Variants in CYTH4 observed in about 807,000 individuals in gnomAD.
CYTH4 encodes the protein cytohesin 4, also known as cytohesin-4.
In CYTH4, 22 loss-of-function variants were observed where a neutral mutation model predicts 57.5. The ratio of observed to expected loss-of-function variants is 0.38; its 90% CI spans 0.27 to 0.55. The LOEUF is 0.55. Among genes scored for constraint, CYTH4 ranks in the 20% least tolerant of loss-of-function variants. The pLI is 0.74. For synonymous variants in CYTH4, 186 were observed against 206.5 expected (o/e 0.90, Z 0.85); for missense variants, 420 against 535.6 (o/e 0.78, Z 2.13).
intron 4 of CYTH4, among the ~76,000 whole-genome samples, chr22:37,296,764 C>T (rs981695136): frequency 1.3e-5 from 2 of 152,178 alleles, no homozygotes; most frequent in African/African-American, 4.8e-5. Flanking sequence ...CCTGCTCCTA[C>T]CCACAGAGAC....
At chr22:37,294,798 C>T in intron 3 of CYTH4, 74 bp downstream of exon 3, 1 of 1,547,116 alleles carries the variant, frequency 6.5e-7, no homozygotes, top group Non-Finnish European at 8.9e-7. Flanking sequence ...CTTGAATGAG[C>T]AGGGGCCACT....
intron 1 of CYTH4, among the ~76,000 whole-genome samples, chr22:37,291,740 G>A (rs115887112): frequency 6.6e-6 from 1 of 152,364 alleles, no homozygotes; most frequent in African/African-American, 2.4e-5. Context: ...CAGAGAAGGA[G>A]AGTGTTGTGG....
Position 37,300,507 on chromosome 22 carries a change from G to C in CYTH4, c.435-400G>C, listed in dbSNP as rs369431500. 1.8e-3 allele frequency among the ~76,000 whole-genome samples: 275 copies of C among 152,224 alleles called. 1 individual carries two copies. Among genetic ancestry groups the C allele is most frequent in the African/African-American group, 6.4e-3 (266 of 41,558 alleles). On this transcript the variant is annotated intron_variant, in intron 6 of 12. Transcript: ENST00000248901. ...CGAGGTTCCAAGAAAGGGAGCCCTA[G>C]CAAGGCAAAACCCCTGCCCCACCTC...
chr22:37,309,212 A>G lies in CYTH4; in HGVS notation c.697A>G (p.Asn233Asp), dbSNP rs1355063450. ...CTTTCTCTCCCTTGTCTTGGGGCAG[A>G]ACCTCTTCGACAGCATCAAGAGTGA... is the stretch of plus-strand genomic sequence containing the variant. ...GSDLPEDQLR[N>D]LFDSIKSEPF... Residue 233 changes from asparagine (N) to aspartate (D), a missense_variant and splice_region_variant, in exon 9 of 13, where the codon AAC (asparagine) becomes GAC (aspartate). Coordinates refer to ENST00000248901, the MANE Select transcript of CYTH4 (RefSeq NM_013385.5). 1 of 1,613,946 alleles carries G rather than the reference A, an allele frequency of 6.2e-7. No individual in the cohort carries two copies. The highest frequency in any genetic ancestry group is 8.5e-7 in the Non-Finnish European group (1 of 1,179,846).
intron 1 of CYTH4, among the ~76,000 whole-genome samples, chr22:37,285,907 C>T (rs550037948): frequency 1.2e-4 from 19 of 152,236 alleles, no homozygotes; most frequent in Non-Finnish European, 1.3e-4. Context: ...CCAGTTGCCA[C>T]CTATTCGGGA....
intron 3 of CYTH4, 47 bp downstream of exon 3, chr22:37,294,771 C>T (rs1928890795): frequency 1.2e-6 from 2 of 1,607,304 alleles, no homozygotes; most frequent in Non-Finnish European, 8.5e-7. Flanking sequence ...TGGTTGCTTC[C>T]CAAGGATGTC....
At chr22:37,299,158 C>G in intron 5 of CYTH4, 68 bp from the exon 6 acceptor site, 3 of 1,224,988 alleles carry the variant, frequency 2.4e-6, no homozygotes, top group Non-Finnish European at 3.6e-6. Context: ...CACCTCAACC[C>G]CCTCCAGGAG....
At chr22:37,292,786 C>A in intron 2 of CYTH4, 83 bp downstream of exon 2, 1 of 1,422,218 alleles carries the variant, frequency 7.0e-7, no homozygotes, top group Non-Finnish European at 9.7e-7. Context: ...CCTGACCCAG[C>A]CTGGTCAACA....
At position 37,313,644 on chromosome 22, in the gene CYTH4, T is replaced by C. The variant is rs1929734357; in HGVS notation, c.*133T>C. 1.2e-6 allele frequency: 1 copy of C among 810,736 alleles called. No individual in the cohort carries two copies. The highest frequency in any genetic ancestry group is 2.0e-6 in the Non-Finnish European group (1 of 496,758). 50.2% of individuals were successfully genotyped at this position (810,736 alleles called of 1,614,324 possible). On this transcript the variant is annotated 3_prime_UTR_variant, in exon 13 of 13. Coordinates refer to ENST00000248901, the MANE Select transcript of CYTH4 (RefSeq NM_013385.5). Reference sequence around the variant, plus strand: ...ATTGCTGTTCCCCGTTACCTCGAGCTGACTCTAGAGGGGAAGGCAGAGCTC... The same window carrying C: ...ATTGCTGTTCCCCGTTACCTCGAGCCGACTCTAGAGGGGAAGGCAGAGCTC...
intron 1 of CYTH4, among the ~76,000 whole-genome samples, chr22:37,289,456 C>T (rs375791289): frequency 3.3e-5 from 5 of 152,332 alleles, no homozygotes; most frequent in Non-Finnish European, 5.9e-5. Flanking sequence ...TTTTCACTTG[C>T]GCCCAAACTC....
At chr22:37,312,316 T>TGG in intron 12 of CYTH4, 142 bp downstream of exon 12, 3 of 1,214,942 alleles carry the variant, frequency 2.5e-6, no homozygotes, top group Non-Finnish European at 2.3e-6. Context: ...CTTCCACCCG[T>TGG]ATTCCATGGG....
intron 9 of CYTH4, chr22:37,310,150 AG>A: frequency 2.7e-6 from 1 of 364,666 alleles, no homozygotes; most frequent in Non-Finnish European, 5.9e-6. Flanking sequence ...CAGAACCCCC[AG>A]GAGCCCATGA....
intron 8 of CYTH4, among the ~76,000 whole-genome samples, chr22:37,307,968 G>A (rs1456753394): frequency 1.3e-5 from 2 of 152,208 alleles, no homozygotes; most frequent in Non-Finnish European, 2.9e-5. Context: ...ATCCTACAGG[G>A]CTGCTCTCCC....
chr22:37,292,679 A>C lies in CYTH4; in HGVS notation c.78A>C (p.Arg26=). 1 of 1,613,802 alleles carries C rather than the reference A, an allele frequency of 6.2e-7. No homozygotes were observed. The highest frequency in any genetic ancestry group is 8.5e-7 in the Non-Finnish European group (1 of 1,179,926). Residue 26 remains arginine (R), a synonymous_variant, in exon 2 of 13, where the codon CGA becomes CGC. Transcript: ENST00000248901. ...TEELQRIKWH[R]KQLLEDIQKL... ...AGTTACAGAGGATCAAGTGGCACCG[A>C]AAGCAGCTCCTGGAGGACATCCAGG... is the stretch of plus-strand genomic sequence containing the variant.
intron 9 of CYTH4, among the ~76,000 whole-genome samples, chr22:37,310,236 C>T (rs1426065708): frequency 2.0e-5 from 3 of 152,226 alleles, no homozygotes; most frequent in Non-Finnish European, 2.9e-5. Context: ...GCCCCAGCCA[C>T]GTGCTGTCCG....
chr22:37,283,882 G>T (rs1349822665), intron 1 of CYTH4, among the ~76,000 whole-genome samples: 4 of 120,034 alleles, frequency 3.3e-5, no homozygotes, highest in Non-Finnish European at 7.4e-5. Context: ...GGTGGGATGA[G>T]GGGGGGAGGG....
At chr22:37,299,339 A>C in intron 6 of CYTH4, 33 bp downstream of exon 6, 2 of 1,595,794 alleles carry the variant, frequency 1.3e-6, no homozygotes, top group Non-Finnish European at 1.7e-6. Flanking sequence ...CCCGGCCCTC[A>C]AGGGTGGCAC....
rs962420964 is a variant in CYTH4, at chr22:37,303,329, C to T, written c.623C>T (p.Pro208Leu). ...SLHNPNVRDR[P>L]PFERFVSMNR... ...CACAATCCCAACGTCCGGGACAGGC[C>T]GCCTTTTGAGCGCTTTGTGTCCATG... Residue 208 changes from proline (P) to leucine (L), a missense_variant, in exon 8 of 13, where the codon CCG becomes CTG. Pro to Leu is a moderately conservative substitution (Grantham distance 98, BLOSUM62 -3). Coordinates refer to ENST00000248901, the MANE Select transcript of CYTH4 (RefSeq NM_013385.5). 1.1e-5 allele frequency: 18 copies of T among 1,614,082 alleles called. No individual in the cohort carries two copies. In the Middle Eastern group the frequency reaches 4.9e-4, roughly 44 times the overall value.
rs374257271 is a variant in CYTH4, at chr22:37,299,075, G to A, written c.354-151G>A. Reference sequence around the variant, plus strand: ...GGTGTGCCCTCAGGGTGTGATATGGGTGGGACAGATGTGAACACACCAGAT... The same window carrying A: ...GGTGTGCCCTCAGGGTGTGATATGGATGGGACAGATGTGAACACACCAGAT... On this transcript the variant is annotated intron_variant, in intron 5 of 12. Transcript: ENST00000248901. 1.5e-3 allele frequency: 1,009 copies of A among 653,232 alleles called. 6 individuals carry two copies. Among genetic ancestry groups the A allele is most frequent in the Middle Eastern group, 6.5e-3 (22 of 3,410 alleles). 40.5% of individuals were successfully genotyped at this position (653,232 alleles called of 1,614,324 possible).
Sources: allele counts gnomAD v4.1 joint callset (sites outside exome capture counted in the v4.1 genomes callset), GRCh38; gene constraint gnomAD v4.1.1; transcripts MANE v1.5; gene names NCBI Gene and HGNC (gene_info 2026-07-23, HGNC 2026-07-21).